Variants in LARGE1 observed in about 807,000 individuals in gnomAD.
The protein encoded by LARGE1 is xylosyl- and glucuronyltransferase LARGE1.
LARGE1 carries 43 observed loss-of-function variants against 87.6 expected under a neutral mutation model. The observed-to-expected ratio is 0.49, with a 90% CI of 0.38 to 0.63. The LOEUF is 0.63. Ranked by LOEUF, LARGE1 falls within the 30% of genes least tolerant of loss-of-function variation. LARGE1 has a pLI of 0.00. For synonymous variants in LARGE1, 434 were observed against 394.6 expected (o/e 1.10, Z -1.18); for missense variants, 802 against 1,000.2 (o/e 0.80, Z 2.67).
chr22:33,633,839 C>T (rs912875313), intron 3 of LARGE1, among the ~76,000 whole-genome samples: 2 of 152,140 alleles, frequency 1.3e-5, no homozygotes, highest in East Asian at 1.9e-4. Flanking sequence ...TGCGGAGAAG[C>T]GAACAGCCGG....
chr22:33,648,664 A>T (rs2080695793), intron 3 of LARGE1, among the ~76,000 whole-genome samples: 1 of 152,222 alleles, frequency 6.6e-6, no homozygotes, highest in Non-Finnish European at 1.5e-5. Flanking sequence ...GCCCGTTTTC[A>T]TACATAGAGA....
At chr22:33,100,209 A>T in the LARGE1 span, among the ~76,000 whole-genome samples, 1 of 151,770 alleles carries the variant, frequency 6.6e-6, no homozygotes, top group Non-Finnish European at 1.5e-5. Context: ...TTAGCCAGGC[A>T]TGGGGGTGTA....
At chr22:33,688,042 C>T (rs140869109) in intron 2 of LARGE1, among the ~76,000 whole-genome samples, 39 of 152,254 alleles carry the variant, frequency 2.6e-4, no homozygotes, top group Non-Finnish European at 4.3e-4. Flanking sequence ...TGAAACTCAT[C>T]CAAGATAACG....
chr22:33,085,560 T>G, the LARGE1 span, among the ~76,000 whole-genome samples: 4 of 152,184 alleles, frequency 2.6e-5, no homozygotes, highest in Non-Finnish European at 5.9e-5. Context: ...TTGCAAAAAT[T>G]GGAAAGCAGC....
At chr22:33,218,694 C>T (rs1483133774) in intron 11 of LARGE1, among the ~76,000 whole-genome samples, 1 of 152,182 alleles carries the variant, frequency 6.6e-6, no homozygotes, top group African/African-American at 2.4e-5. Flanking sequence ...ATCCTTTTAT[C>T]AACCTGATGA....
intron 1 of LARGE1, among the ~76,000 whole-genome samples, chr22:33,817,924 G>A (rs1158951276): frequency 1.3e-5 from 2 of 151,962 alleles, no homozygotes; most frequent in African/African-American, 4.8e-5. Context: ...GGGGAGGAGA[G>A]GGAGGAAAGG....
At chr22:33,095,817 T>C in the LARGE1 span, among the ~76,000 whole-genome samples, 1 of 152,132 alleles carries the variant, frequency 6.6e-6, no homozygotes, top group Non-Finnish European at 1.5e-5. Flanking sequence ...AGCTTCCCAG[T>C]AGTGTGTCCT....
At chr22:33,466,554 C>T (rs2068617478) in intron 6 of LARGE1, among the ~76,000 whole-genome samples, 1 of 151,982 alleles carries the variant, frequency 6.6e-6, no homozygotes, top group South Asian at 2.1e-4. Context: ...GTGAATGTTA[C>T]TTGTCATCCC....
chr22:33,384,302 C>T lies in LARGE1; in HGVS notation c.895G>A (p.Val299Met), dbSNP rs1490201857. The part of the protein sequence containing the change: ...PALGRGYNTG[V>M]ILLLLDKLRK... ...AGCTTATCCAGAAGTAACAGGATCACCCCTGGGCAACAGCACAGGATAAAA... is the reference window on the plus strand; with the variant it reads ...AGCTTATCCAGAAGTAACAGGATCATCCCTGGGCAACAGCACAGGATAAAA... Residue 299 changes from valine (V) to methionine (M), a missense_variant and splice_region_variant, in exon 8 of 15, where the codon GTG (valine) becomes ATG (methionine). This residue lies in a region of LARGE1 where 625 missense variants were observed against 841.9 expected (regional missense o/e 0.74). Transcript: ENST00000397394. The T allele has an allele frequency of 5.0e-6, 8 of 1,610,946 alleles. No individual in the cohort carries two copies. Among genetic ancestry groups the T allele is most frequent in the South Asian group, 2.2e-5 (2 of 90,988 alleles).
intron 11 of LARGE1, among the ~76,000 whole-genome samples, chr22:33,193,013 A>AT (rs137424): frequency 0.63 from 95,437 of 151,930 alleles, 30,444 homozygotes; most frequent in African/African-American, 0.71. Flanking sequence ...TAATTTTTCC[A>AT]TTGTCCTACT....
intron 3 of LARGE1, among the ~76,000 whole-genome samples, chr22:33,636,335 T>C (rs964034768): frequency 6.6e-6 from 1 of 152,062 alleles, no homozygotes. Context: ...AGCCAGACAA[T>C]CACTCAACAA....
At chr22:33,857,057 A>G (rs189035741) in intron 1 of LARGE1, among the ~76,000 whole-genome samples, 11 of 152,206 alleles carry the variant, frequency 7.2e-5, no homozygotes, top group Admixed American at 7.2e-4. Flanking sequence ...CAGTCTCCCC[A>G]GTAGCTGGGA....
At chr22:33,295,364 G>T (rs149724038) in intron 12 of LARGE1, among the ~76,000 whole-genome samples, 1 of 152,230 alleles carries the variant, frequency 6.6e-6, no homozygotes, top group African/African-American at 2.4e-5. Context: ...GTGTACATGC[G>T]TGTGGGTGCC....
intron 12 of LARGE1, among the ~76,000 whole-genome samples, chr22:33,292,952 A>T (rs986185712): frequency 6.6e-6 from 1 of 152,246 alleles, no homozygotes. Context: ...TCATCAATTA[A>T]TGAATATTAA....
intron 3 of LARGE1, among the ~76,000 whole-genome samples, chr22:33,648,793 T>C (rs373579381): frequency 2.6e-5 from 4 of 152,230 alleles, no homozygotes; most frequent in African/African-American, 9.7e-5. Flanking sequence ...TTGTATTTAT[T>C]TATTTGTTTA....
At chr22:33,794,624 C>A (rs1386877212) in intron 1 of LARGE1, among the ~76,000 whole-genome samples, 2 of 152,122 alleles carry the variant, frequency 1.3e-5, no homozygotes, top group Admixed American at 6.6e-5. Flanking sequence ...GGGAAAATTT[C>A]TTTCTTTTCT....
At position 33,274,160 on chromosome 22, in the gene LARGE1, G is replaced by T; in HGVS notation, c.*267C>A. 1.7e-6 allele frequency: 1 copy of T among 577,666 alleles called. No homozygotes were observed. Among genetic ancestry groups the T allele is most frequent in the African/African-American group, 1.9e-5 (1 of 53,504 alleles). 35.8% of individuals were successfully genotyped at this position (577,666 alleles called of 1,614,324 possible). On this transcript the variant is annotated 3_prime_UTR_variant, in exon 15 of 15. Transcript: ENST00000397394. The stretch of plus-strand genomic sequence containing the variant: ...TAAGATGATAACCCTTTTACTCCCT[G>T]TCACCCCTTGATTTCCCATTCTTGA...
chr22:33,115,953 C>A, the LARGE1 span, among the ~76,000 whole-genome samples: 1 of 152,112 alleles, frequency 6.6e-6, no homozygotes, highest in Non-Finnish European at 1.5e-5. Context: ...ACACCTCCAT[C>A]GTGGACTTCC....
intron 11 of LARGE1, among the ~76,000 whole-genome samples, chr22:33,262,455 CG>C (rs1568994618): frequency 6.6e-6 from 1 of 152,216 alleles, no homozygotes; most frequent in Non-Finnish European, 1.5e-5. Flanking sequence ...GAGAGGGCCC[CG>C]GGTGCCTATC....
Sources: allele counts gnomAD v4.1 joint callset (sites outside exome capture counted in the v4.1 genomes callset), GRCh38; gene constraint gnomAD v4.1.1; regional missense constraint gnomAD v4.1.1; transcripts MANE v1.5; gene names NCBI Gene and HGNC (gene_info 2026-07-23, HGNC 2026-07-21).